The following NR2F1-AS1 variants were observed in gnomAD, a reference collection of about 807,000 sequenced individuals.
NR2F1-AS1 encodes the protein NR2F1 regulatory antisense RNA 1.
At chr5:93,506,445 A>C (rs1053355482) in intron 4 of NR2F1-AS1, among the ~76,000 whole-genome samples, 1 of 152,296 alleles carries the variant, frequency 6.6e-6, no homozygotes, top group African/African-American at 2.4e-5. Context: ...TACTGGTACA[A>C]ATTGACTGTA....
chr5:93,429,465 A>G (rs1211440404), intron 4 of NR2F1-AS1, among the ~76,000 whole-genome samples: 2 of 152,184 alleles, frequency 1.3e-5, no homozygotes, highest in African/African-American at 4.8e-5. Flanking sequence ...TCCTGTGACA[A>G]TCTGCAGCAA....
At chr5:93,463,744 T>G (rs918548233) in intron 4 of NR2F1-AS1, among the ~76,000 whole-genome samples, 1 of 152,196 alleles carries the variant, frequency 6.6e-6, no homozygotes, top group Admixed American at 6.5e-5. Context: ...TTTTGGAGCT[T>G]TAAGACTTGA....
At chr5:93,581,660 GGGTCTC>G (rs1561518834), upstream of NR2F1-AS1, among the ~76,000 whole-genome samples, 20 of 107,262 alleles carry the variant, frequency 1.9e-4, no homozygotes, top group African/African-American at 2.4e-4. Flanking sequence ...TCAGGAATCG[GGGTCTC>G]GGTCTCTCTC....
chr5:93,553,915 C>G (rs1307118159), intron 3 of NR2F1-AS1: 1 of 152,114 alleles, frequency 6.6e-6, no homozygotes, highest in African/African-American at 2.4e-5. Flanking sequence ...ATAAAATGAT[C>G]TATACAGAAA....
intron 4 of NR2F1-AS1, among the ~76,000 whole-genome samples, chr5:93,533,016 A>T (rs912289055): frequency 1.3e-5 from 2 of 152,296 alleles, no homozygotes; most frequent in Non-Finnish European, 2.9e-5. Context: ...AAATCACACG[A>T]TCTTTTAGTT....
intron 4 of NR2F1-AS1, among the ~76,000 whole-genome samples, chr5:93,419,630 G>A (rs573357249): frequency 6.6e-5 from 10 of 152,128 alleles, no homozygotes; most frequent in African/African-American, 1.7e-4. Context: ...TAGAAATATC[G>A]GAAAGGATAT....
upstream of NR2F1-AS1, among the ~76,000 whole-genome samples, chr5:93,582,784 G>GTC (rs1215727876): frequency 1.3e-5 from 2 of 151,136 alleles, no homozygotes; most frequent in African/African-American, 4.9e-5. Context: ...GTGTGTGTGT[G>GTC]TATGTGTGTG....
At chr5:93,524,615 G>A (rs1014134446) in intron 4 of NR2F1-AS1, among the ~76,000 whole-genome samples, 7 of 152,078 alleles carry the variant, frequency 4.6e-5, no homozygotes, top group South Asian at 2.1e-4. Flanking sequence ...CAGTAAGGTC[G>A]GGTCACCTAT....
chr5:93,440,591 C>T (rs1228631526), intron 4 of NR2F1-AS1, among the ~76,000 whole-genome samples: 2 of 152,194 alleles, frequency 1.3e-5, no homozygotes, highest in African/African-American at 4.8e-5. Context: ...CGAGCTCTCC[C>T]TAGTCTGGGT....
chr5:93,558,000 C>T (rs1456241594), intron 2 of NR2F1-AS1, among the ~76,000 whole-genome samples: 1 of 152,130 alleles, frequency 6.6e-6, no homozygotes, highest in Admixed American at 6.6e-5. Flanking sequence ...CTCATCCATT[C>T]GAGTTTAATC....
At chr5:93,493,751 A>G (rs748084376) in intron 4 of NR2F1-AS1, among the ~76,000 whole-genome samples, 33 of 152,224 alleles carry the variant, frequency 2.2e-4, no homozygotes, top group Admixed American at 2.6e-4. Flanking sequence ...ACAGAGAAAG[A>G]AGAGTCTCTT....
At chr5:93,533,354 G>A (rs538566640) in intron 4 of NR2F1-AS1, among the ~76,000 whole-genome samples, 9 of 151,952 alleles carry the variant, frequency 5.9e-5, no homozygotes, top group Middle Eastern at 6.8e-3. Context: ...TTTCCTAGCC[G>A]CACTCAAAAC....
chr5:93,446,256 A>T (rs1291219363), intron 4 of NR2F1-AS1, among the ~76,000 whole-genome samples: 1 of 152,238 alleles, frequency 6.6e-6, no homozygotes, highest in Non-Finnish European at 1.5e-5. Context: ...AGAGGAAGTC[A>T]AATTGTCCCT....
At chr5:93,454,713 G>A (rs1403217392) in intron 4 of NR2F1-AS1, among the ~76,000 whole-genome samples, 1 of 152,124 alleles carries the variant, frequency 6.6e-6, no homozygotes, top group African/African-American at 2.4e-5. Context: ...TGGGGAAAGG[G>A]GTTAAAAGTT....
intron 4 of NR2F1-AS1, among the ~76,000 whole-genome samples, chr5:93,426,887 T>C (rs1580213447): frequency 6.6e-6 from 1 of 151,624 alleles, no homozygotes; most frequent in Admixed American, 6.6e-5. Context: ...TAATAAAAGT[T>C]CCCCCCCTCC....
chr5:93,568,572 G>A (rs1025586002), intron 1 of NR2F1-AS1, among the ~76,000 whole-genome samples: 4 of 152,164 alleles, frequency 2.6e-5, no homozygotes, highest in Admixed American at 1.3e-4. Flanking sequence ...AACTTGACAC[G>A]AGTCCCTGAA....
Position 93,579,233 on chromosome 5 carries a change from CCCT to C in NR2F1-AS1, n.313+1231_313+1233del, listed in dbSNP as rs1169283551. 2.6e-5 allele frequency among the ~76,000 whole-genome samples: 4 copies of C among 152,144 alleles called. No individual in the cohort carries two copies. Among genetic ancestry groups the C allele is most frequent in the Admixed American group, 2.6e-4 (4 of 15,276 alleles). On this transcript the variant is annotated intron_variant and non_coding_transcript_variant, in intron 1 of 5. Transcript: ENST00000660523. This position sits in a 1 kb window ranked among gnomAD's most constrained non-coding sequence, Gnocchi z 5.1. ...TGCCCCGTAGGAGTGCGAGCCGCTCCCCTCCTCCGAAAAGCCGCGGGCTTCCGC... is the reference window on the plus strand; with the variant it reads ...TGCCCCGTAGGAGTGCGAGCCGCTCCCCTCCGAAAAGCCGCGGGCTTCCGC...
At chr5:93,454,750 TAATC>T (rs1749910206) in intron 4 of NR2F1-AS1, among the ~76,000 whole-genome samples, 1 of 152,090 alleles carries the variant, frequency 6.6e-6, no homozygotes, top group Non-Finnish European at 1.5e-5. Flanking sequence ...GCCAATGACT[TAATC>T]AATCATGCCT....
chr5:93,508,715 T>A (rs1450978619), intron 4 of NR2F1-AS1, among the ~76,000 whole-genome samples: 1 of 151,564 alleles, frequency 6.6e-6, no homozygotes, highest in Non-Finnish European at 1.5e-5. Flanking sequence ...ACATGAATGA[T>A]TATAAAAAAA....
Sources: gnomAD v4.1 joint callset for allele counts (sites outside exome capture counted in the v4.1 genomes callset) on GRCh38, gnomAD v4.1.1 for gene constraint, Gnocchi (gnomAD v3.1) non-coding constraint, MANE v1.5 for transcripts, NCBI Gene and HGNC (gene_info 2026-07-23, HGNC 2026-07-21) for gene names.